MYO15A: variants seen among roughly 807,000 people sequenced by gnomAD.
MYO15A encodes unconventional myosin-XV.
In MYO15A, 308 loss-of-function variants were observed where a neutral mutation model predicts 394.6. The observed-to-expected ratio is 0.78, with a 90% CI of 0.71 to 0.86. The LOEUF (loss-of-function observed/expected upper bound fraction) is 0.86. Among genes scored for constraint, MYO15A ranks in the 40% least tolerant of loss-of-function variants. MYO15A has a pLI of 0.00. For missense variants in MYO15A, 4,606 were observed against 4,799.1 expected (o/e 0.96, Z 1.19); for synonymous variants, 1,957 against 2,003.8 (o/e 0.98, Z 0.62).
At chr17:18,116,543 C>T (rs1365813662) in intron 1 of MYO15A, among the ~76,000 whole-genome samples, 1 of 152,162 alleles carries the variant, frequency 6.6e-6, no homozygotes, top group Non-Finnish European at 1.5e-5. Context: ...CATGAGACCA[C>T]TGTGCAACAC....
At position 18,118,593 on chromosome 17, in the gene MYO15A, A is replaced by T; in HGVS notation, c.-208A>T. 3 of 675,436 alleles carry T rather than the reference A, an allele frequency of 4.4e-6. No individual in the cohort carries two copies. Among genetic ancestry groups the T allele is most frequent in the Non-Finnish European group, 7.4e-6 (3 of 405,956 alleles). The allele number at this position is 675,436 out of a possible 1,614,324, so 41.8% of individuals were successfully genotyped here. The stretch of plus-strand genomic sequence containing the variant: ...TACTACTGCTCTAGGGTGAAACCCA[A>T]GGCGCTCTAGAGGAGATGAATTATG... On this transcript the variant is annotated 5_prime_UTR_variant, in exon 2 of 66. It adds an upstream start codon to the 5' untranslated region. Transcript: ENST00000647165.
Position 18,162,605 on chromosome 17 carries a change from C to T in MYO15A, c.9538C>T (p.Gln3180Ter). 1 of 1,614,050 alleles carries T rather than the reference C, an allele frequency of 6.2e-7. No individual in the cohort carries two copies. Among genetic ancestry groups the T allele is most frequent in the Non-Finnish European group, 8.5e-7 (1 of 1,179,974 alleles). The change falls in exon 58 of 66, where the codon CAG becomes TAG. Residue 3180 changes from glutamine to a stop codon, truncating the protein, a stop_gained. Transcript: ENST00000647165. LOFTEE classifies it high-confidence loss of function. ...TGCAGGGATCGCCAAGGCCTGCGAG[C>T]AGAACCTGCAGAAAACCTTGCGCTT... ...PFQGIAKACE[Q>*]NLQKTLRFGG...
In MYO15A at chr17:18,122,039, G is replaced by T. The variant is rs376630473; in HGVS notation, c.3239G>T (p.Arg1080Leu). Reference sequence around the variant, plus strand: ...AGGGCCACATGGCCACCATGGCACCGCTGGGGAACACTGCCCCAAGCCGCA... The same window carrying T: ...AGGGCCACATGGCCACCATGGCACCTCTGGGGAACACTGCCCCAAGCCGCA... ...QTRATWPPWHRWGTLPQAAAP... is the reference protein window; with the variant it reads ...QTRATWPPWHLWGTLPQAAAP... The change falls in exon 2 of 66, where the codon CGC (arginine) becomes CTC (leucine). Residue 1080 changes from arginine to leucine, a missense_variant. Around this residue, in one of 2 missense-constraint regions of MYO15A, gnomAD observed 1,830 missense variants for 1,689.7 expected, o/e 1.08. Coordinates refer to ENST00000647165, the MANE Select transcript of MYO15A (RefSeq NM_016239.4). 2.5e-6 allele frequency: 4 copies of T among 1,612,882 alleles called. No homozygotes were observed. The highest frequency in any genetic ancestry group is 1.3e-5 in the African/African-American group (1 of 74,936).
In MYO15A at chr17:18,118,842, G is replaced by C. The variant is rs1223623252; in HGVS notation, c.42G>C (p.Gly14=). 2 of 1,611,384 alleles carry C rather than the reference G, an allele frequency of 1.2e-6. No homozygotes were observed. Among genetic ancestry groups the C allele is most frequent in the Non-Finnish European group, 1.7e-6 (2 of 1,178,794 alleles). ...EEDEEKKAKK[G]KKGKKAPEPE... ...ATGAGGAGAAGAAAGCCAAGAAAGGGAAGAAGGGGAAGAAGGCACCGGAGC... is the reference window on the plus strand; with the variant it reads ...ATGAGGAGAAGAAAGCCAAGAAAGGCAAGAAGGGGAAGAAGGCACCGGAGC... The change falls in exon 2 of 66, where the codon GGG becomes GGC. Residue 14 remains glycine (G), a synonymous_variant. Transcript: ENST00000647165.
At chr17:18,159,135 CCT>C in intron 53 of MYO15A, 138 bp downstream of exon 53, 1 of 1,345,896 alleles carries the variant, frequency 7.4e-7, no homozygotes, top group Non-Finnish European at 1.0e-6. Flanking sequence ...CCAAGGACAG[CCT>C]CTGTCCCCAG....
chr17:18,166,930 T>C (rs777168582), intron 61 of MYO15A, among the ~76,000 whole-genome samples: 2 of 152,234 alleles, frequency 1.3e-5, no homozygotes, highest in South Asian at 2.1e-4. Flanking sequence ...CTGTGAGACT[T>C]AGAAGTCCTC....
intron 19 of MYO15A, 103 bp downstream of exon 19, chr17:18,139,714 C>G: frequency 2.2e-6 from 3 of 1,367,718 alleles, no homozygotes; most frequent in Non-Finnish European, 3.1e-6. Flanking sequence ...CGTCCTGGCT[C>G]CGCTTAGCTT....
At chr17:18,169,196 C>T (rs2046904410) in intron 62 of MYO15A, among the ~76,000 whole-genome samples, 1 of 150,634 alleles carries the variant, frequency 6.6e-6, no homozygotes, top group Non-Finnish European at 1.5e-5. Flanking sequence ...CCTGTAATCC[C>T]AGCACTTTGG....
At chr17:18,160,475 G>T (rs1241991832) in intron 56 of MYO15A, among the ~76,000 whole-genome samples, 1 of 152,176 alleles carries the variant, frequency 6.6e-6, no homozygotes, top group Non-Finnish European at 1.5e-5. Context: ...CAGGTCTGGG[G>T]CAACAGCTCA....
chr17:18,141,139 G>T lies in MYO15A; in HGVS notation c.5527G>T (p.Asp1843Tyr). The T allele has an allele frequency of 6.2e-7, 1 of 1,613,588 alleles. No individual in the cohort carries two copies. The highest frequency in any genetic ancestry group is 8.5e-7 in the Non-Finnish European group (1 of 1,180,006). The change falls in exon 22 of 66, where the codon GAC (aspartate) becomes TAC (tyrosine). Residue 1843 changes from aspartate to tyrosine, a missense_variant. By Grantham distance (160) the Asp-to-Tyr change is radical. Transcript: ENST00000647165. Reference sequence around the variant, plus strand: ...GCGCCTGCCTTTCCAGGGGTTCATCGACAGGTATCTTGGTTACGGTAGTTC... The same window carrying T: ...GCGCCTGCCTTTCCAGGGGTTCATCTACAGGTATCTTGGTTACGGTAGTTC... ...PVRLPFQGFIDRYCCLVALKH... is the reference protein window; with the variant it reads ...PVRLPFQGFIYRYCCLVALKH...
intron 19 of MYO15A, 30 bp from the exon 20 acceptor site, chr17:18,140,483 CCTGT>C (rs1160998988): frequency 6.8e-6 from 11 of 1,613,074 alleles, no homozygotes; most frequent in Admixed American, 5.0e-5. Flanking sequence ...CCGGACCCTG[CCTGT>C]CTGTTTTCCC....
intron 16 of MYO15A, chr17:18,137,908 C>T: frequency 1.2e-6 from 1 of 851,240 alleles, no homozygotes; most frequent in Non-Finnish European, 1.8e-6. Flanking sequence ...GGTCCTTCTT[C>T]TCCTCTACTG....
In MYO15A at chr17:18,137,661, C is replaced by A. The variant is rs779461171; in HGVS notation, c.4857C>A (p.Ile1619=). The A allele has an allele frequency of 1.2e-6, 2 of 1,614,136 alleles. No individual in the cohort carries two copies. The highest frequency in any genetic ancestry group is 2.2e-5 in the South Asian group (2 of 91,036). Residue 1619 remains isoleucine, a synonymous_variant, in exon 16 of 66, where the codon ATC becomes ATA. Transcript: ENST00000647165. ...ACCTTCAGTACCTTTTCAACAAGAT[C>A]GTCTTCCAGGAGGAGCAGGTGTGTG... ...NENLQYLFNK[I]VFQEEQEEYI...
chr17:18,109,596 T>TCC (rs919062716), intron 1 of MYO15A: 1 of 152,232 alleles, frequency 6.6e-6, no homozygotes. Context: ...TCTCTGACCC[T>TCC]CCCATCCCCG....
intron 57 of MYO15A, among the ~76,000 whole-genome samples, chr17:18,162,000 A>G (rs1374944930): frequency 2.6e-5 from 4 of 152,128 alleles, no homozygotes; most frequent in African/African-American, 9.7e-5. Context: ...AGGAGATAGG[A>G]GACCTTACCC....
chr17:18,120,590 C>A lies in MYO15A; in HGVS notation c.1790C>A (p.Ala597Glu), dbSNP rs753402600. The change falls in exon 2 of 66, where the codon GCG (alanine) becomes GAG (glutamate). Residue 597 changes from alanine to glutamate, a missense_variant. Coordinates refer to ENST00000647165, the MANE Select transcript of MYO15A (RefSeq NM_016239.4). ...CTCAGGGGCAGCCAGAAGGCCCGGG[C>A]GGGCGGCCCTGCTGTCAGGGAGGCG... ...ARLRGSQKARAGGPAVREAAY... is the reference protein window; with the variant it reads ...ARLRGSQKAREGGPAVREAAY... The A allele has an allele frequency of 1.3e-6, 2 of 1,597,498 alleles. No homozygotes were observed. Among genetic ancestry groups the A allele is most frequent in the Non-Finnish European group, 1.7e-6 (2 of 1,174,308 alleles).
intron 14 of MYO15A, 31 bp from the exon 15 acceptor site, chr17:18,136,532 C>G: frequency 6.2e-7 from 1 of 1,613,926 alleles, no homozygotes; most frequent in Non-Finnish European, 8.5e-7. Context: ...ACCACGGTGT[C>G]CTGCTCACAC....
rs770554233 is a variant in MYO15A at position 18,125,137 on chromosome 17, G to C, written c.3693-31G>C. ...ACCCATGCCAGAACCAGCCCTGGGGGCACTGACGGCTTCTCTCTGTGTCCT... is the reference window on the plus strand; with the variant it reads ...ACCCATGCCAGAACCAGCCCTGGGGCCACTGACGGCTTCTCTCTGTGTCCT... On this transcript the variant is annotated intron_variant, in intron 3 of 65. Transcript: ENST00000647165. The C allele has an allele frequency of 4.5e-5, 73 of 1,609,098 alleles. No individual in the cohort carries two copies. The Admixed American group carries it at 1.2e-3, about 26-fold the overall frequency.
In MYO15A at chr17:18,172,290, T is replaced by C. The variant is rs771446577; in HGVS notation, c.10350T>C (p.His3450=). Reference sequence around the variant, plus strand: ...TCAACTTTCTCAGCACAGAGACTCATGTGAGTGGCCTCAGCCTGGCACTGC... The same window carrying C: ...TCAACTTTCTCAGCACAGAGACTCACGTGAGTGGCCTCAGCCTGGCACTGC... The part of the protein sequence containing the change: ...NGLNFLSTET[H]ELMVKFPLKE... The change falls in exon 64 of 66, where the codon CAT becomes CAC. Residue 3450 remains histidine, a splice_region_variant and synonymous_variant. Coordinates refer to ENST00000647165, the MANE Select transcript of MYO15A (RefSeq NM_016239.4). 5 of 1,614,060 alleles carry C rather than the reference T, an allele frequency of 3.1e-6. No individual in the cohort carries two copies. The highest frequency in any genetic ancestry group is 2.7e-5 in the African/African-American group (2 of 74,924).
Sources: allele counts gnomAD v4.1 joint callset (sites outside exome capture counted in the v4.1 genomes callset), GRCh38; gene constraint gnomAD v4.1.1; regional missense constraint gnomAD v4.1.1; transcripts MANE v1.5; gene names NCBI Gene and HGNC (gene_info 2026-07-23, HGNC 2026-07-21).